The following WDFY3 variants were observed in gnomAD, a reference collection of about 807,000 sequenced individuals.
WDFY3 encodes the protein WD repeat and FYVE domain containing 3.
WDFY3 carries 66 observed loss-of-function variants against 409.6 expected under a neutral mutation model. The ratio of observed to expected loss-of-function variants is 0.16; its 90% CI spans 0.13 to 0.20. The LOEUF (loss-of-function observed/expected upper bound fraction) is 0.20. Among genes scored for constraint, WDFY3 ranks in the 10% least tolerant of loss-of-function variants. The pLI is 1.00. For synonymous variants in WDFY3, 1,521 were observed against 1,537.1 expected, an observed-to-expected ratio of 0.99 and a Z score of 0.25; for missense variants, 3,031 against 4,298.1, an observed-to-expected ratio of 0.71 and a Z score of 8.24.
chr4:84,814,303 C>G (rs949721414), intron 13 of WDFY3, among the ~76,000 whole-genome samples: 1 of 152,126 alleles, frequency 6.6e-6, no homozygotes, highest in Non-Finnish European at 1.5e-5. Context: ...TTTGCCTTCC[C>G]ACAAGTTGAT....
intron 10 of WDFY3, among the ~76,000 whole-genome samples, chr4:84,824,954 C>G (rs1754634749): frequency 6.6e-6 from 1 of 152,086 alleles, no homozygotes; most frequent in Admixed American, 6.6e-5. Context: ...GAAGAAGAAA[C>G]TGATGTTTAG....
At chr4:84,750,391 C>T (rs1268082481) in intron 36 of WDFY3, among the ~76,000 whole-genome samples, 1 of 151,918 alleles carries the variant, frequency 6.6e-6, no homozygotes, top group East Asian at 1.9e-4. Context: ...AATTGAGATA[C>T]TTTCGCATGA....
chr4:84,837,821 T>C (rs1190967210), intron 6 of WDFY3, among the ~76,000 whole-genome samples: 1 of 152,216 alleles, frequency 6.6e-6, no homozygotes, highest in African/African-American at 2.4e-5. Flanking sequence ...GTTAGTTTAC[T>C]TTCTCAGAAA....
chr4:84,735,125 C>T lies in WDFY3; in HGVS notation c.6916-5G>A, dbSNP rs1333928551. ...AAACATCCACTGCGAAATCTCCTAA[C>T]AATGGATGGAAAAAGAGTCTTAATA... is the stretch of plus-strand genomic sequence containing the variant. On this transcript the variant is annotated splice_region_variant and splice_polypyrimidine_tract_variant and intron_variant, in intron 42 of 67. Coordinates refer to ENST00000295888, the MANE Select transcript of WDFY3 (RefSeq NM_014991.6). 6.2e-7 allele frequency: 1 copy of T among 1,610,174 alleles called. No individual in the cohort carries two copies. Among genetic ancestry groups the T allele is most frequent in the South Asian group, 1.1e-5 (1 of 90,800 alleles).
At chr4:84,762,806 A>C (rs1742909902) in intron 32 of WDFY3, among the ~76,000 whole-genome samples, 1 of 152,116 alleles carries the variant, frequency 6.6e-6, no homozygotes, top group Non-Finnish European at 1.5e-5. Flanking sequence ...AGAAATTCTA[A>C]ATAAAATTGT....
intron 2 of WDFY3, among the ~76,000 whole-genome samples, chr4:84,929,990 C>A (rs1211463861): frequency 1.3e-5 from 2 of 151,912 alleles, no homozygotes; most frequent in Non-Finnish European, 2.9e-5. Context: ...AGATGGCCAC[C>A]TAAAAGCCAA....
At chr4:84,888,787 G>A (rs989175191) in intron 3 of WDFY3, among the ~76,000 whole-genome samples, 1 of 151,386 alleles carries the variant, frequency 6.6e-6, no homozygotes, top group African/African-American at 2.4e-5. Flanking sequence ...TAACCAAGGT[G>A]AGAATATTTG....
In WDFY3 at chr4:84,683,985, C is replaced by T. The variant is rs756699825; in HGVS notation, c.9684G>A (p.Thr3228=). 31 of 1,612,510 alleles carry T rather than the reference C, an allele frequency of 1.9e-5. No individual in the cohort carries two copies. The highest frequency in any genetic ancestry group is 1.8e-4 in the East Asian group (8 of 44,842). ...CCMSEMNEWD[T]QNVIVTGHSD... Reference sequence around the variant, plus strand: ...AGTGTCCTGTCACTATGACGTTCTGCGTGTCCCATTCGTTCATCTCCGACA... The same window carrying T: ...AGTGTCCTGTCACTATGACGTTCTGTGTGTCCCATTCGTTCATCTCCGACA... Residue 3228 remains threonine (T), a synonymous_variant, in exon 63 of 68, where the codon ACG becomes ACA. Transcript: ENST00000295888.
chr4:84,844,908 C>G (rs1757874149), intron 5 of WDFY3, among the ~76,000 whole-genome samples: 1 of 152,084 alleles, frequency 6.6e-6, no homozygotes, highest in South Asian at 2.1e-4. Context: ...CACATGGAGG[C>G]AAAGGACCAA....
rs147167663 is a variant in WDFY3 at position 84,774,832 on chromosome 4, T to A, written c.4742A>T (p.Asn1581Ile). 1.9e-6 allele frequency: 3 copies of A among 1,610,856 alleles called. No homozygotes were observed. The highest frequency in any genetic ancestry group is 2.5e-6 in the Non-Finnish European group (3 of 1,179,064). Residue 1581 changes from asparagine to isoleucine, a missense_variant, in exon 29 of 68, where the codon AAT becomes ATT. By Grantham distance (149) the Asn-to-Ile change is moderately radical (BLOSUM62 -3). Transcript: ENST00000295888. Reference sequence around the variant, plus strand: ...AAGTTTTTCCTACCTGAGCAGATCATTGCTGCTAGGAAAACCTTGCAGTAA... The same window carrying A: ...AAGTTTTTCCTACCTGAGCAGATCAATGCTGCTAGGAAAACCTTGCAGTAA... Reference protein sequence around the residue: ...SFLLQGFPSSNDLLRFGQFIS... With the variant: ...SFLLQGFPSSIDLLRFGQFIS...
chr4:84,675,964 A>G (rs1357901138), intron 67 of WDFY3, among the ~76,000 whole-genome samples: 2 of 152,242 alleles, frequency 1.3e-5, no homozygotes, highest in Non-Finnish European at 2.9e-5. Context: ...AATGTGAAAA[A>G]TAAAACTTTG....
chr4:84,784,233 C>T (rs949232428), intron 24 of WDFY3, among the ~76,000 whole-genome samples: 8 of 152,162 alleles, frequency 5.3e-5, no homozygotes, highest in Admixed American at 1.3e-4. Flanking sequence ...TTTCCATTTC[C>T]CTATCTACAT....
chr4:84,849,023 C>T (rs1367772681), intron 5 of WDFY3, among the ~76,000 whole-genome samples: 1 of 152,048 alleles, frequency 6.6e-6, no homozygotes, highest in Admixed American at 6.6e-5. Flanking sequence ...AAATGTTTAA[C>T]TCAGGGTATG....
intron 7 of WDFY3, among the ~76,000 whole-genome samples, chr4:84,834,109 C>G (rs1756200489): frequency 6.6e-6 from 1 of 152,156 alleles, no homozygotes; most frequent in African/African-American, 2.4e-5. Context: ...GTTGTTGGTT[C>G]TGACACTGCC....
chr4:84,755,414 A>C lies in WDFY3; in HGVS notation c.5425-14T>G, dbSNP rs767021406. 7 of 1,595,360 alleles carry C rather than the reference A, an allele frequency of 4.4e-6. No individual in the cohort carries two copies. The highest frequency in any genetic ancestry group is 6.0e-6 in the Non-Finnish European group (7 of 1,175,296). ...ATCCAAATCAAACTGCAGAGGTGAA[A>C]GGGAGCAAATATTAGCCACCACTAA... On this transcript the variant is annotated splice_polypyrimidine_tract_variant and intron_variant, in intron 33 of 67. Transcript: ENST00000295888.
intron 2 of WDFY3, among the ~76,000 whole-genome samples, chr4:84,916,738 T>C (rs528348501): frequency 1.1e-4 from 17 of 152,212 alleles, no homozygotes; most frequent in Non-Finnish European, 1.5e-4. Context: ...ACTGAATTAA[T>C]AAAACAATTT....
intron 56 of WDFY3, among the ~76,000 whole-genome samples, chr4:84,701,028 T>G (rs1422612629): frequency 6.6e-6 from 1 of 152,216 alleles, no homozygotes; most frequent in Non-Finnish European, 1.5e-5. Flanking sequence ...GAGAATTGCT[T>G]GAACCTGTAA....
At chr4:84,681,154 A>G (rs1404141133) in intron 64 of WDFY3, among the ~76,000 whole-genome samples, 3 of 152,114 alleles carry the variant, frequency 2.0e-5, no homozygotes, top group African/African-American at 7.2e-5. Context: ...CCACTTCTAC[A>G]TTGTTCAATC....
chr4:84,721,718 C>T, intron 46 of WDFY3, 146 bp from the exon 47 acceptor site: 1 of 883,078 alleles, frequency 1.1e-6, no homozygotes, highest in South Asian at 2.1e-5. Flanking sequence ...TGGTTAAGAA[C>T]ATAGTCCTCT....
Sources: gnomAD v4.1 joint callset for allele counts (sites outside exome capture counted in the v4.1 genomes callset) on GRCh38, gnomAD v4.1.1 for gene constraint, MANE v1.5 for transcripts, NCBI Gene and HGNC (gene_info 2026-07-23, HGNC 2026-07-21) for gene names.